Variants in SENP2 observed in about 807,000 individuals in gnomAD.
SENP2 encodes sentrin-specific protease 2.
In SENP2, 16 loss-of-function variants were observed where a neutral mutation model predicts 86.3. That is an observed-to-expected ratio of 0.19 (90% CI 0.13 to 0.28). The LOEUF (loss-of-function observed/expected upper bound fraction) is 0.28, where lower values mean the gene tolerates loss of function less well. Ranked by LOEUF, SENP2 falls within the 10% of genes least tolerant of loss-of-function variation. The pLI, the probability that SENP2 is intolerant of heterozygous loss-of-function variation, is 1.00. For synonymous variants in SENP2, 222 were observed against 238.7 expected, an observed-to-expected ratio of 0.93 and a Z score of 0.64; for missense variants, 552 against 703.0, an observed-to-expected ratio of 0.79 and a Z score of 2.43.
rs141258915 is a variant in SENP2, at chr3:185,598,523, G to A, written c.269G>A (p.Arg90Gln). 30 of 1,613,986 alleles carry A rather than the reference G, an allele frequency of 1.9e-5. No individual in the cohort carries two copies. Among genetic ancestry groups the A allele is most frequent in the Middle Eastern group, 3.3e-4 (2 of 6,060 alleles). Residue 90 changes from arginine (R) to glutamine (Q), a missense_variant, in exon 3 of 17, where the codon CGG (arginine) becomes CAG (glutamine). Around this residue, in one of 2 missense-constraint regions of SENP2, gnomAD observed 383 missense variants for 427.3 expected, o/e 0.90. Transcript: ENST00000296257. ...PMVTSACNGT[R>Q]NVAPSGEVFS... ...GTAACTTCTGCTTGTAATGGAACAC[G>A]GAATGTGGCCCCTTCAGGAGAGGTC...
At chr3:185,596,668 A>G (rs1474602336) in intron 2 of SENP2, among the ~76,000 whole-genome samples, 2 of 151,948 alleles carry the variant, frequency 1.3e-5, no homozygotes, top group Non-Finnish European at 2.9e-5. Context: ...TAGCCAAGCT[A>G]TAATACGGGC....
In SENP2 at chr3:185,614,756, T is replaced by C. The variant is rs371186048; in HGVS notation, c.1110+16T>C. On this transcript the variant is annotated intron_variant, in intron 11 of 16. Transcript: ENST00000296257. ...ACTTACAGAGGTATTGTTCTTTGTA[T>C]TGATCCTAAAAAGAGGCATGTCTTT... is the stretch of plus-strand genomic sequence containing the variant. 218 of 1,607,068 alleles carry C rather than the reference T, an allele frequency of 1.4e-4. No homozygotes were observed. The highest frequency in any genetic ancestry group is 1.8e-4 in the Non-Finnish European group (209 of 1,177,280).
At chr3:185,629,469 G>T (rs1276810337) in intron 16 of SENP2, among the ~76,000 whole-genome samples, 1 of 152,010 alleles carries the variant, frequency 6.6e-6, no homozygotes, top group African/African-American at 2.4e-5. Context: ...TCCCAGCTAC[G>T]CTGGAGACTG....
chr3:185,620,821 A>T (rs1338241921), intron 13 of SENP2, among the ~76,000 whole-genome samples: 1 of 151,812 alleles, frequency 6.6e-6, no homozygotes, highest in African/African-American at 2.4e-5. Flanking sequence ...TGTTTACAAG[A>T]TAGTACAGGT....
chr3:185,593,261 T>A (rs1056407757), intron 2 of SENP2, among the ~76,000 whole-genome samples: 1 of 152,116 alleles, frequency 6.6e-6, no homozygotes, highest in African/African-American at 2.4e-5. Flanking sequence ...GATCAAATTA[T>A]CGTTCTGTTT....
intron 6 of SENP2, among the ~76,000 whole-genome samples, chr3:185,607,707 A>G (rs1227735439): frequency 6.6e-6 from 1 of 151,870 alleles, no homozygotes; most frequent in Non-Finnish European, 1.5e-5. Flanking sequence ...TTTTTTATAT[A>G]TAGAGATGGG....
At chr3:185,589,972 T>A in intron 1 of SENP2, 142 bp from the exon 2 acceptor site, 1 of 417,320 alleles carries the variant, frequency 2.4e-6, no homozygotes, top group Non-Finnish European at 4.2e-6. Flanking sequence ...CCCACCAGCA[T>A]TCTCTTTTAA....
chr3:185,624,180 A>C (rs1712031355), intron 15 of SENP2, 98 bp downstream of exon 15: 1 of 727,712 alleles, frequency 1.4e-6, no homozygotes, highest in East Asian at 2.7e-5. Flanking sequence ...CCCTCCCTGC[A>C]TGCTTTTAAA....
rs1465018278 is a variant in SENP2 at position 185,614,864 on chromosome 3, GGTCCATGGTCT to G, written c.1110+127_1110+137del. On this transcript the variant is annotated intron_variant, in intron 11 of 16. Transcript: ENST00000296257. ...GGGGTGAATATATGAAAACATGTCA[GGTCCATGGTCT>G]GTTGATTCACTTTGACTACATTGAT... 1.9e-5 allele frequency: 16 copies of G among 838,664 alleles called. No homozygotes were observed. In the East Asian group the frequency reaches 4.1e-4, roughly 21 times the overall value. 52.0% of individuals were successfully genotyped at this position (838,664 alleles called of 1,614,324 possible).
chr3:185,619,483 A>C lies in SENP2; in HGVS notation c.1427A>C (p.Lys476Thr), dbSNP rs1711756957. ...QEIILVPIHR[K>T]VHWSLVVIDL... The stretch of plus-strand genomic sequence containing the variant: ...ATTATTCTGGTGCCTATTCATCGGA[A>C]GGTACATTGGAGCCTGGTGGTGAGT... Residue 476 changes from lysine to threonine, a missense_variant, in exon 13 of 17, where the codon AAG (lysine) becomes ACG (threonine). Coordinates refer to ENST00000296257, the MANE Select transcript of SENP2 (RefSeq NM_021627.3). The C allele has an allele frequency of 6.2e-7, 1 of 1,613,996 alleles. No individual in the cohort carries two copies. Among genetic ancestry groups the C allele is most frequent in the African/African-American group, 1.3e-5 (1 of 74,932 alleles).
At chr3:185,604,143 G>A (rs896785330) in intron 5 of SENP2, among the ~76,000 whole-genome samples, 5 of 152,056 alleles carry the variant, frequency 3.3e-5, no homozygotes, top group African/African-American at 4.8e-5. Context: ...AAATAAATAA[G>A]TAAATAAATA....
chr3:185,592,011 CTTTTTTTTTTTTT>C (rs149268515), intron 2 of SENP2, among the ~76,000 whole-genome samples: 2 of 65,804 alleles, frequency 3.0e-5, no homozygotes, highest in East Asian at 1.0e-3. Flanking sequence ...GGTAATATTT[CTTTTTTTTTTTTT>C]TTTTTTTTTT....
At chr3:185,625,260 T>C (rs775987143) in intron 15 of SENP2, among the ~76,000 whole-genome samples, 13 of 151,978 alleles carry the variant, frequency 8.6e-5, no homozygotes, top group Admixed American at 2.6e-4. Flanking sequence ...CACAGGCGCC[T>C]GCCACCACGC....
chr3:185,591,071 G>GT (rs1251610300), intron 2 of SENP2, among the ~76,000 whole-genome samples: 1 of 148,968 alleles, frequency 6.7e-6, no homozygotes, highest in Non-Finnish European at 1.5e-5. Flanking sequence ...CACCTGGCTA[G>GT]TTTTTTTGTA....
rs574087592 is a variant in SENP2, at chr3:185,631,200, G to C, written c.*1356G>C. 1 of 152,110 alleles carries C rather than the reference G, an allele frequency of 6.6e-6. No homozygotes were observed. The highest frequency in any genetic ancestry group is 2.4e-5 in the African/African-American group (1 of 41,480). 9.4% of individuals were successfully genotyped at this position (152,110 alleles called of 1,614,324 possible). A position where few individuals can be genotyped will look rare whatever the true frequency, so the allele number is the denominator to read the frequency against. On this transcript the variant is annotated 3_prime_UTR_variant, in exon 17 of 17. Transcript: ENST00000296257. ...AGGTAAAACTGGAAAAATTGTGCACGTGTTACCTATGAATCTACACGCCTG... is the reference window on the plus strand; with the variant it reads ...AGGTAAAACTGGAAAAATTGTGCACCTGTTACCTATGAATCTACACGCCTG...
rs547342638 is a variant in SENP2 at position 185,632,755 on chromosome 3, C to T, written c.*2911C>T. On this transcript the variant is annotated 3_prime_UTR_variant, in exon 17 of 17. Transcript: ENST00000296257. ...GTCAGGCTGGTCTTAAACTCCCGAC[C>T]TCAAGTGATCTGCCCGCCTCGGCCT... 1 of 152,346 alleles carries T rather than the reference C, an allele frequency of 6.6e-6. No individual in the cohort carries two copies. 9.4% of individuals were successfully genotyped at this position (152,346 alleles called of 1,614,324 possible). A position where few individuals can be genotyped will look rare whatever the true frequency, so the allele number is the denominator to read the frequency against.
intron 14 of SENP2, among the ~76,000 whole-genome samples, chr3:185,623,165 G>C (rs1711969384): frequency 6.6e-6 from 1 of 150,952 alleles, no homozygotes; most frequent in Non-Finnish European, 1.5e-5. Flanking sequence ...TTTTGAGATG[G>C]AGTTTCACTC....
intron 2 of SENP2, among the ~76,000 whole-genome samples, chr3:185,594,073 A>G (rs951453514): frequency 2.6e-5 from 4 of 151,628 alleles, no homozygotes; most frequent in African/African-American, 9.7e-5. Flanking sequence ...CTTTACATAT[A>G]CAGTAGTAAT....
At chr3:185,601,693 G>T (rs1722352410) in intron 5 of SENP2, among the ~76,000 whole-genome samples, 5 of 125,928 alleles carry the variant, frequency 4.0e-5, no homozygotes, top group Admixed American at 2.7e-4. Context: ...CAGGCAGTTT[G>T]GTGGCACAGT....
Sources: gnomAD v4.1 joint callset for allele counts (sites outside exome capture counted in the v4.1 genomes callset) on GRCh38, gnomAD v4.1.1 for gene constraint, gnomAD v4.1.1 regional missense constraint, MANE v1.5 for transcripts, NCBI Gene and HGNC (gene_info 2026-07-23, HGNC 2026-07-21) for gene names.